Variants in SEC14L5 observed in about 807,000 individuals in gnomAD.
The protein encoded by SEC14L5 is SEC14 like lipid binding 5.
A neutral mutation model predicts 84.6 loss-of-function variants in SEC14L5; 96 were observed. That is an observed-to-expected ratio of 1.13 (90% CI 0.96 to 1.34). The LOEUF (loss-of-function observed/expected upper bound fraction) is 1.34. Ranked by LOEUF, SEC14L5 falls within the 40% of genes most tolerant of loss-of-function variation. SEC14L5 has a pLI of 0.00. For missense variants in SEC14L5, 1,224 were observed against 942.5 expected (o/e 1.30, Z -3.91); for synonymous variants, 546 against 383.4 (o/e 1.42, Z -4.95).
At chr16:4,982,427 GA>G (rs1324367054) in intron 2 of SEC14L5, among the ~76,000 whole-genome samples, 1 of 152,188 alleles carries the variant, frequency 6.6e-6, no homozygotes, top group Non-Finnish European at 1.5e-5. Context: ...GGCCCTTCTA[GA>G]ACTGGGCACG....
At chr16:4,973,268 A>G (rs1213669130) in intron 2 of SEC14L5, among the ~76,000 whole-genome samples, 1 of 152,166 alleles carries the variant, frequency 6.6e-6, no homozygotes, top group Non-Finnish European at 1.5e-5. Context: ...CTGGCTGCAG[A>G]CGCTGTTCTG....
Position 5,000,697 on chromosome 16 carries a change from C to T in SEC14L5, c.1013C>T (p.Thr338Ile). Residue 338 changes from threonine to isoleucine, a missense_variant, in exon 9 of 16, where the codon ACC (threonine) becomes ATC (isoleucine). Thr to Ile is a moderately conservative substitution (Grantham distance 89). Transcript: ENST00000251170. ...ATCCTCCGCCTGGGCCAGATGGACA[C>T]CAAAGGCTTGATGAAGGCCGTGGGG... ...LYILRLGQMDTKGLMKAVGEE... is the reference protein window; with the variant it reads ...LYILRLGQMDIKGLMKAVGEE... 3 of 1,552,330 alleles carry T rather than the reference C, an allele frequency of 1.9e-6. No individual in the cohort carries two copies. The South Asian group carries it at 3.6e-5, about 18-fold the overall frequency.
chr16:5,014,072 A>G (rs1955840548), intron 15 of SEC14L5, among the ~76,000 whole-genome samples: 1 of 152,210 alleles, frequency 6.6e-6, no homozygotes, highest in Non-Finnish European at 1.5e-5. Context: ...CAAGGCCCTA[A>G]AGCTGCACTG....
chr16:4,993,966 C>CTTT (rs374711543), intron 6 of SEC14L5, among the ~76,000 whole-genome samples: 75 of 138,538 alleles, frequency 5.4e-4, no homozygotes, highest in African/African-American at 1.1e-3. Context: ...GACTGTTTTC[C>CTTT]TTTTTTTTTT....
At chr16:4,987,781 G>A (rs1398339882) in intron 3 of SEC14L5, 75 bp downstream of exon 3, 4 of 1,175,956 alleles carry the variant, frequency 3.4e-6, no homozygotes, top group South Asian at 3.3e-5. Context: ...CGCGGGAGCT[G>A]GGGACCAGGG....
intron 2 of SEC14L5, among the ~76,000 whole-genome samples, chr16:4,971,617 A>G (rs1955281253): frequency 2.0e-5 from 3 of 152,212 alleles, no homozygotes; most frequent in South Asian, 2.1e-4. Context: ...CCCAATAAGT[A>G]TCTTCCAGAA....
In SEC14L5 at chr16:5,015,084, G is replaced by C. The variant is rs1471878598; in HGVS notation, c.*114G>C. On this transcript the variant is annotated 3_prime_UTR_variant, in exon 16 of 16. Transcript: ENST00000251170. ...CATGTGGGCTGGAGCCCCAGGCCTA[G>C]ATGCTGCCCAAGTTGGGGTGTCTGG... 1.1e-5 allele frequency: 9 copies of C among 788,444 alleles called. No homozygotes were observed. The highest frequency in any genetic ancestry group is 1.7e-5 in the African/African-American group (1 of 58,210). 48.8% of individuals were successfully genotyped at this position (788,444 alleles called of 1,614,324 possible). A position where few individuals can be genotyped will look rare whatever the true frequency, so the allele number is the denominator to read the frequency against.
At chr16:4,975,689 T>C (rs557080307) in intron 2 of SEC14L5, among the ~76,000 whole-genome samples, 94 of 152,250 alleles carry the variant, frequency 6.2e-4, no homozygotes, top group African/African-American at 2.1e-3. Flanking sequence ...TAGATACCCA[T>C]ATTTCAATTT....
Position 4,991,956 on chromosome 16 carries a change from G to A in SEC14L5, c.593G>A (p.Arg198Lys), listed in dbSNP as rs2142507715. 2 of 1,596,476 alleles carry A rather than the reference G, an allele frequency of 1.3e-6. No homozygotes were observed. Among genetic ancestry groups the A allele is most frequent in the Non-Finnish European group, 1.7e-6 (2 of 1,175,408 alleles). ...GATGCCCGCAACCAGGCTGGACCGA[G>A]GGACCCCAGCTCCCTGGAGGCCCAC... ...EEDARNQAGPRDPSSLEAHGP... is the reference protein window; with the variant it reads ...EEDARNQAGPKDPSSLEAHGP... The change falls in exon 6 of 16, where the codon AGG becomes AAG. Residue 198 changes from arginine to lysine, a missense_variant. Physicochemically the swap from Arg to Lys is conservative, Grantham distance 26. Coordinates refer to ENST00000251170, the MANE Select transcript of SEC14L5 (RefSeq NM_014692.2).
rs1173718423 is a variant in SEC14L5, at chr16:5,018,667, GAAGA to G, written c.*3703_*3706del. ...AAAGCAAGACCCTGTCTCAAAAAAA[GAAGA>G]AAGAAGCTGCTTGTGTTTTCTGGGT... On this transcript the variant is annotated 3_prime_UTR_variant, in exon 16 of 16. Transcript: ENST00000251170. The G allele has an allele frequency of 6.6e-6, 1 of 152,122 alleles. No homozygotes were observed. The highest frequency in any genetic ancestry group is 1.5e-5 in the Non-Finnish European group (1 of 68,040). The allele number at this position is 152,122 out of a possible 1,614,324, so 9.4% of individuals were successfully genotyped here.
chr16:4,990,692 C>T (rs974828973), intron 4 of SEC14L5, 75 bp from the exon 5 acceptor site: 3 of 1,438,934 alleles, frequency 2.1e-6, no homozygotes, highest in Admixed American at 4.6e-5. Context: ...GGGCCCAGGT[C>T]AGTGGGAGAG....
intron 2 of SEC14L5, among the ~76,000 whole-genome samples, chr16:4,981,621 C>G (rs1216454633): frequency 1.3e-5 from 2 of 152,004 alleles, no homozygotes; most frequent in Non-Finnish European, 1.5e-5. Context: ...TCTGAGCTGC[C>G]CATGACAACA....
At chr16:4,959,031 T>G (rs1596608098) in intron 1 of SEC14L5, among the ~76,000 whole-genome samples, 5 of 137,044 alleles carry the variant, frequency 3.6e-5, no homozygotes, top group Non-Finnish European at 3.2e-5. Context: ...GGGGTGGGGG[T>G]AGAGGAAAGT....
intron 4 of SEC14L5, among the ~76,000 whole-genome samples, chr16:4,989,572 C>G (rs186300143): frequency 1.3e-5 from 2 of 152,278 alleles, no homozygotes; most frequent in South Asian, 2.1e-4. Flanking sequence ...TTCTCAAACT[C>G]CTGGCTTCAA....
At chr16:5,010,959 G>A in intron 14 of SEC14L5, 136 bp from the exon 15 acceptor site, 1 of 775,416 alleles carries the variant, frequency 1.3e-6, no homozygotes, top group East Asian at 2.7e-5. Context: ...AGGAGTTGCT[G>A]GTGGACTGGA....
At position 4,990,818 on chromosome 16, in the gene SEC14L5, G is replaced by T; in HGVS notation, c.397G>T (p.Asp133Tyr). The change falls in exon 5 of 16, where the codon GAC becomes TAC. Residue 133 changes from aspartate to tyrosine, a missense_variant. Transcript: ENST00000251170. The part of the protein sequence containing the change: ...WTCFEQSASL[D>Y]IRSFFGFENA... Reference sequence around the variant, plus strand: ...TTGCTTCGAGCAGTCTGCCTCACTGGACATTCGGTCTTTCTTTGGCTTTGA... The same window carrying T: ...TTGCTTCGAGCAGTCTGCCTCACTGTACATTCGGTCTTTCTTTGGCTTTGA... The T allele has an allele frequency of 6.2e-7, 1 of 1,612,052 alleles. No homozygotes were observed. The highest frequency in any genetic ancestry group is 8.5e-7 in the Non-Finnish European group (1 of 1,178,940).
Position 4,987,634 on chromosome 16 carries a change from C to G in SEC14L5, c.141C>G (p.Ser47Arg), listed in dbSNP as rs1158792971. Residue 47 changes from serine (S) to arginine (R), a missense_variant, in exon 3 of 16, where the codon AGC becomes AGG. Ser to Arg is a moderately radical substitution (Grantham distance 110). Coordinates refer to ENST00000251170, the MANE Select transcript of SEC14L5 (RefSeq NM_014692.2). ...LGSEVLRESR[S>R]PDGAVHVVER... ...GCGAGGTCTTGCGCGAGTCCCGCAG[C>G]CCGGACGGGGCTGTGCACGTGGTGG... 6.4e-7 allele frequency: 1 copy of G among 1,556,502 alleles called. No individual in the cohort carries two copies. The highest frequency in any genetic ancestry group is 1.9e-5 in the Admixed American group (1 of 51,942).
At position 4,988,178 on chromosome 16, in the gene SEC14L5, GCAGA is replaced by G; in HGVS notation, c.246_249del (p.Asn84SerfsTer2). On this transcript the variant is annotated frameshift_variant, in exon 4 of 16. Transcript: ENST00000251170. LOFTEE classifies it high-confidence loss of function. ...CAGGTGTTGAGCACGTGGTCTTCGT[GCAGA>G]CAAACATCTTGAACTGGAAGGAGAG... is the stretch of plus-strand genomic sequence containing the variant. 6.2e-7 allele frequency: 1 copy of G among 1,613,540 alleles called. No individual in the cohort carries two copies. Among genetic ancestry groups the G allele is most frequent in the South Asian group, 1.1e-5 (1 of 91,070 alleles).
chr16:4,985,096 G>T (rs943277499), intron 2 of SEC14L5, among the ~76,000 whole-genome samples: 23 of 152,066 alleles, frequency 1.5e-4, no homozygotes, highest in African/African-American at 5.3e-4. Flanking sequence ...TTCTTTTATT[G>T]TTTGTGCTTT....
Sources: gnomAD v4.1 joint callset for allele counts (sites outside exome capture counted in the v4.1 genomes callset) on GRCh38, gnomAD v4.1.1 for gene constraint, MANE v1.5 for transcripts, NCBI Gene and HGNC (gene_info 2026-07-23, HGNC 2026-07-21) for gene names.